The following ULK4 variants were observed in gnomAD, a reference collection of about 807,000 sequenced individuals.
ULK4 encodes the protein unc-51 like kinase 4.
In ULK4, 133 loss-of-function variants were observed where a neutral mutation model predicts 160.6. The observed-to-expected ratio is 0.83, with a 90% confidence interval of 0.72 to 0.96. The LOEUF is 0.96. Ranked by LOEUF, ULK4 falls within the 40% of genes least tolerant of loss-of-function variation. The pLI is 0.00. For missense variants in ULK4, 1,580 were observed against 1,499.5 expected, an observed-to-expected ratio of 1.05 and a Z score of -0.89; for synonymous variants, 534 against 539.8, an observed-to-expected ratio of 0.99 and a Z score of 0.15.
chr3:41,958,355 T>C (rs764382039), intron 1 of ULK4, among the ~76,000 whole-genome samples: 17 of 152,194 alleles, frequency 1.1e-4, no homozygotes, highest in Non-Finnish European at 2.1e-4. Flanking sequence ...GTAAATTTTA[T>C]GTGTATTTTA....
intron 27 of ULK4, among the ~76,000 whole-genome samples, chr3:41,697,175 G>A (rs915784258): frequency 1.3e-5 from 2 of 152,148 alleles, no homozygotes; most frequent in African/African-American, 4.8e-5. Flanking sequence ...AAAAGATAGA[G>A]ATGCTTATTC....
chr3:41,555,099 G>A (rs1310771617), intron 32 of ULK4, among the ~76,000 whole-genome samples: 1 of 151,850 alleles, frequency 6.6e-6, no homozygotes, highest in African/African-American at 2.4e-5. Context: ...AACTCATGAA[G>A]CACAAAGAAT....
intron 27 of ULK4, among the ~76,000 whole-genome samples, chr3:41,696,066 C>G (rs1482326167): frequency 1.3e-5 from 2 of 152,168 alleles, no homozygotes; most frequent in African/African-American, 2.4e-5. Flanking sequence ...GCCTCAGTGT[C>G]AAGGAAAAAC....
chr3:41,775,912 C>A (rs563537789), intron 21 of ULK4, among the ~76,000 whole-genome samples: 5 of 150,758 alleles, frequency 3.3e-5, no homozygotes, highest in Admixed American at 1.3e-4. Context: ...TTTAATTATC[C>A]AATCTCTTGT....
chr3:41,908,077 G>T (rs60659106), intron 11 of ULK4, 136 bp from the exon 12 acceptor site: 31 of 384,250 alleles, frequency 8.1e-5, no homozygotes, highest in African/African-American at 6.1e-4. Context: ...AAAAAGTCTA[G>T]ATCTAATTTA....
At chr3:41,857,868 A>AG (rs2042397776) in intron 17 of ULK4, among the ~76,000 whole-genome samples, 1 of 128,900 alleles carries the variant, frequency 7.8e-6, no homozygotes, top group Non-Finnish European at 1.5e-5. Flanking sequence ...TAGTCTGGCT[A>AG]AAGTTTGTCA....
At chr3:41,593,861 T>C (rs914350700) in intron 31 of ULK4, among the ~76,000 whole-genome samples, 2 of 150,242 alleles carry the variant, frequency 1.3e-5, no homozygotes, top group East Asian at 3.9e-4. Flanking sequence ...TGAAACCCTG[T>C]CTCTACAAAA....
intron 17 of ULK4, among the ~76,000 whole-genome samples, chr3:41,855,157 A>G (rs1004817486): frequency 6.0e-5 from 9 of 149,034 alleles, no homozygotes; most frequent in Non-Finnish European, 1.0e-4. Flanking sequence ...CCTACCTATG[A>G]TAACAGTAAC....
chr3:41,454,470 G>A (rs2125870442), intron 34 of ULK4, among the ~76,000 whole-genome samples: 1 of 149,886 alleles, frequency 6.7e-6, no homozygotes, highest in South Asian at 2.1e-4. Flanking sequence ...AACCTGGTAG[G>A]CGGATGCTGC....
At chr3:41,287,608 C>G (rs1559505723) in intron 35 of ULK4, among the ~76,000 whole-genome samples, 1 of 152,188 alleles carries the variant, frequency 6.6e-6, no homozygotes, top group Non-Finnish European at 1.5e-5. Context: ...ACATTCTAGT[C>G]TCCTTTCACC....
chr3:41,486,583 T>C (rs2084543294), intron 32 of ULK4, among the ~76,000 whole-genome samples: 2 of 152,294 alleles, frequency 1.3e-5, no homozygotes, highest in East Asian at 1.9e-4. Flanking sequence ...TGGAGGTAGA[T>C]GGCCTAACTA....
chr3:41,821,003 TC>T (rs1458450652), intron 18 of ULK4, among the ~76,000 whole-genome samples: 2 of 152,114 alleles, frequency 1.3e-5, no homozygotes, highest in Non-Finnish European at 2.9e-5. Flanking sequence ...CCCTTATTCT[TC>T]CCTTATTTAA....
At chr3:41,767,265 T>C (rs1160714352) in intron 21 of ULK4, among the ~76,000 whole-genome samples, 4 of 152,160 alleles carry the variant, frequency 2.6e-5, no homozygotes, top group African/African-American at 9.7e-5. Flanking sequence ...CTCTGCAAAA[T>C]ACCGAAAATT....
chr3:41,376,131 C>A (rs1029538772), intron 35 of ULK4, among the ~76,000 whole-genome samples: 1 of 150,290 alleles, frequency 6.7e-6, no homozygotes, highest in Non-Finnish European at 1.5e-5. Context: ...AGTCAGAAAA[C>A]AACAGATGCT....
At chr3:41,812,167 T>C (rs2040837385) in intron 19 of ULK4, among the ~76,000 whole-genome samples, 1 of 152,136 alleles carries the variant, frequency 6.6e-6, no homozygotes, top group Admixed American at 6.6e-5. Context: ...ACACCTGTAG[T>C]CTCAGCTACT....
intron 32 of ULK4, among the ~76,000 whole-genome samples, chr3:41,494,920 G>T (rs2084930010): frequency 6.6e-6 from 1 of 151,942 alleles, no homozygotes; most frequent in Non-Finnish European, 1.5e-5. Flanking sequence ...AATGCTCAAT[G>T]AAATAAAAGA....
At chr3:41,382,196 G>C (rs1429994200) in intron 35 of ULK4, among the ~76,000 whole-genome samples, 1 of 152,024 alleles carries the variant, frequency 6.6e-6, no homozygotes, top group African/African-American at 2.4e-5. Flanking sequence ...CTTAATAAAT[G>C]TGGCTATCAT....
intron 35 of ULK4, among the ~76,000 whole-genome samples, chr3:41,317,060 T>C (rs1380924349): frequency 7.5e-6 from 1 of 132,992 alleles, no homozygotes; most frequent in Non-Finnish European, 1.6e-5. Flanking sequence ...GGCAATTACA[T>C]CTATTTTTTT....
intron 32 of ULK4, among the ~76,000 whole-genome samples, chr3:41,541,017 G>A (rs569132932): frequency 2.0e-5 from 3 of 152,286 alleles, no homozygotes; most frequent in African/African-American, 7.2e-5. Context: ...GGTGTGTGCA[G>A]AAGCTCTTTA....
Sources: gnomAD v4.1 joint callset for allele counts (sites outside exome capture counted in the v4.1 genomes callset) on GRCh38, gnomAD v4.1.1 for gene constraint, MANE v1.5 for transcripts, NCBI Gene and HGNC (gene_info 2026-07-23, HGNC 2026-07-21) for gene names.